Variants in ATG12 observed in about 807,000 individuals in gnomAD.
The protein encoded by ATG12 is autophagy related 12, also known as ubiquitin-like protein ATG12.
ATG12 carries 19 observed loss-of-function variants against 17.6 expected under a neutral mutation model. That is an observed-to-expected ratio of 1.08 (90% CI 0.75 to 1.58). ATG12 has a LOEUF of 1.58. ATG12 is among the 40% of genes most tolerant of loss of function. The pLI, the probability that ATG12 is intolerant of heterozygous loss-of-function variation, is 0.00. For synonymous variants in ATG12, 75 were observed against 62.4 expected, an observed-to-expected ratio of 1.20 and a Z score of -0.95; for missense variants, 214 against 162.0, an observed-to-expected ratio of 1.32 and a Z score of -1.74.
chr5:115,832,018 C>T (rs1760889668), intron 3 of ATG12, among the ~76,000 whole-genome samples, 155 bp from the exon 4 acceptor site: 1 of 152,188 alleles, frequency 6.6e-6, no homozygotes, highest in African/African-American at 2.4e-5. Flanking sequence ...CTGTTTCTAT[C>T]AGACACATAT....
chr5:115,836,502 G>A (rs1045945624), intron 2 of ATG12, among the ~76,000 whole-genome samples: 28 of 152,136 alleles, frequency 1.8e-4, no homozygotes, highest in Non-Finnish European at 8.8e-5. Flanking sequence ...ACTTTTGTGA[G>A]AGCACTTGCA....
Position 115,831,866 on chromosome 5 carries a change from AC to A in ATG12, c.364-4del, listed in dbSNP as rs775724111. 1.2e-4 allele frequency: 199 copies of A among 1,601,198 alleles called. No individual in the cohort carries two copies. The highest frequency in any genetic ancestry group is 1.7e-4 in the Non-Finnish European group (197 of 1,176,134). On this transcript the variant is annotated splice_region_variant and splice_polypyrimidine_tract_variant and intron_variant, in intron 3 of 3. Coordinates refer to ENST00000509910, the MANE Select transcript of ATG12 (RefSeq NM_004707.4). ...AGTTTACCATCACTGCCAAAACACTACAAAAAAAAAAGGCAATAAATCAAAC... is the reference window on the plus strand; with the variant it reads ...AGTTTACCATCACTGCCAAAACACTAAAAAAAAAAAGGCAATAAATCAAAC...
rs1008502812 is a variant in ATG12 at position 115,841,405 on chromosome 5, C to G, written c.148G>C (p.Asp50His). The G allele has an allele frequency of 6.2e-7, 1 of 1,610,762 alleles. No individual in the cohort carries two copies. Among genetic ancestry groups the G allele is most frequent in the Non-Finnish European group, 8.5e-7 (1 of 1,179,330 alleles). Residue 50 changes from aspartate (D) to histidine (H), a missense_variant, in exon 1 of 4, where the codon GAC becomes CAC. Transcript: ENST00000509910. The stretch of plus-strand genomic sequence containing the variant: ...ATTCAGTTACTTTTTTTCTTGGTGT[C>G]GCCAGCAGGTTCCTCTGTTCCCGGG... ...VSPGTEEPAGDTKKKIDILLK... is the reference protein window; with the variant it reads ...VSPGTEEPAGHTKKKIDILLK...
chr5:115,840,966 A>G, intron 1 of ATG12: 1 of 1,065,268 alleles, frequency 9.4e-7, no homozygotes, highest in Non-Finnish European at 1.3e-6. Context: ...AAGCGAGTTA[A>G]GTTGGAAGGC....
intron 2 of ATG12, chr5:115,835,015 A>G (rs1761032586): frequency 6.6e-6 from 1 of 151,796 alleles, no homozygotes; most frequent in African/African-American, 2.4e-5. Flanking sequence ...AATTTTTTTC[A>G]TCTTCTATTT....
Position 115,831,762 on chromosome 5 carries a change from A to G in ATG12, c.*42T>C, listed in dbSNP as rs1408809819. 1 of 1,595,392 alleles carries G rather than the reference A, an allele frequency of 6.3e-7. No individual in the cohort carries two copies. Among genetic ancestry groups the G allele is most frequent in the Non-Finnish European group, 8.6e-7 (1 of 1,167,142 alleles). ...ACTTTTCAGAGCTGTCTCTTCCGTG[A>G]AAATCCATTTCATGTAGTAGCAAGT... is the stretch of plus-strand genomic sequence containing the variant. On this transcript the variant is annotated 3_prime_UTR_variant, in exon 4 of 4. Coordinates refer to ENST00000509910, the MANE Select transcript of ATG12 (RefSeq NM_004707.4).
At chr5:115,832,560 GTAATTTCTT>G (rs753447497) in intron 3 of ATG12, 33 bp downstream of exon 3, 2 of 1,244,990 alleles carry the variant, frequency 1.6e-6, no homozygotes, top group Non-Finnish European at 2.0e-6. Context: ...AAAAAAAGCA[GTAATTTCTT>G]TCTTTTTTTT....
chr5:115,832,765 A>G, intron 2 of ATG12, 101 bp from the exon 3 acceptor site: 2 of 1,166,734 alleles, frequency 1.7e-6, no homozygotes, highest in Non-Finnish European at 2.3e-6. Flanking sequence ...TGTTTTCACA[A>G]TTGAAGAAAG....
In ATG12 at chr5:115,837,850, T is replaced by G. The variant is rs562604597; in HGVS notation, c.164-86A>C. The G allele has an allele frequency of 5.5e-5, 62 of 1,121,506 alleles. No homozygotes were observed. The African/African-American group carries it at 9.5e-4, about 17-fold the overall frequency. The allele number at this position is 1,121,506 out of a possible 1,614,324, so 69.5% of individuals were successfully genotyped here. ...ATAAAAGACTTAGAAATCAGAAATATTTAATCTACATCCATCTTACGTATT... is the reference window on the plus strand; with the variant it reads ...ATAAAAGACTTAGAAATCAGAAATAGTTAATCTACATCCATCTTACGTATT... On this transcript the variant is annotated intron_variant, in intron 1 of 3. Coordinates refer to ENST00000509910, the MANE Select transcript of ATG12 (RefSeq NM_004707.4).
At chr5:115,840,271 G>A (rs1761314765) in intron 1 of ATG12, among the ~76,000 whole-genome samples, 1 of 151,186 alleles carries the variant, frequency 6.6e-6, no homozygotes, top group African/African-American at 2.4e-5. Context: ...AGCAGAAGTT[G>A]AAGAAAAAGC....
In ATG12 at chr5:115,831,682, G is replaced by T; in HGVS notation, c.*122C>A. The T allele has an allele frequency of 1.1e-6, 1 of 876,880 alleles. No homozygotes were observed. Among genetic ancestry groups the T allele is most frequent in the Non-Finnish European group, 1.8e-6 (1 of 548,144 alleles). The allele number at this position is 876,880 out of a possible 1,614,324, so 54.3% of individuals were successfully genotyped here. On this transcript the variant is annotated 3_prime_UTR_variant, in exon 4 of 4. Transcript: ENST00000509910. ...ATGTTTTCTTATGCATAAACATAGA[G>T]TAGACACATACTAAATAGATCACAT...
chr5:115,840,724 G>C (rs955444937), intron 1 of ATG12: 4 of 1,190,122 alleles, frequency 3.4e-6, no homozygotes, highest in Admixed American at 3.6e-5. Flanking sequence ...GAGTGCTTTA[G>C]AACACGTAAT....
intron 2 of ATG12, among the ~76,000 whole-genome samples, chr5:115,837,165 G>A (rs1761137394): frequency 1.3e-5 from 2 of 152,114 alleles, no homozygotes; most frequent in Admixed American, 1.3e-4. Context: ...ACATAAACTG[G>A]TTCACATTGT....
rs1760763734 is a variant in ATG12, at chr5:115,829,228, G to C, written c.*2576C>G. 1 of 152,168 alleles carries C rather than the reference G, an allele frequency of 6.6e-6. No individual in the cohort carries two copies. The highest frequency in any genetic ancestry group is 1.5e-5 in the Non-Finnish European group (1 of 68,028). 9.4% of individuals were successfully genotyped at this position (152,168 alleles called of 1,614,324 possible). On this transcript the variant is annotated 3_prime_UTR_variant, in exon 4 of 4. Transcript: ENST00000509910. Reference sequence around the variant, plus strand: ...ATTATAATCCTTGGAAAATGAAGCAGAAACTGCATGAAAAGAGATTTTTAT... The same window carrying C: ...ATTATAATCCTTGGAAAATGAAGCACAAACTGCATGAAAAGAGATTTTTAT...
At chr5:115,840,993 G>A in intron 1 of ATG12, 17 of 841,338 alleles carry the variant, frequency 2.0e-5, no homozygotes, top group Non-Finnish European at 2.7e-5. Flanking sequence ...TCTAATCCAG[G>A]CTTTGCCAAT....
chr5:115,831,722 G>A lies in ATG12; in HGVS notation c.*82C>T. 7.6e-7 allele frequency: 1 copy of A among 1,309,342 alleles called. No homozygotes were observed. The highest frequency in any genetic ancestry group is 1.1e-6 in the Non-Finnish European group (1 of 919,976). 81.1% of individuals were successfully genotyped at this position (1,309,342 alleles called of 1,614,324 possible). On this transcript the variant is annotated 3_prime_UTR_variant, in exon 4 of 4. Coordinates refer to ENST00000509910, the MANE Select transcript of ATG12 (RefSeq NM_004707.4). Reference sequence around the variant, plus strand: ...ATAGATCACATCTGTTAAGTCTCTTGCCACAAGCATCAAAACTTTTCAGAG... The same window carrying A: ...ATAGATCACATCTGTTAAGTCTCTTACCACAAGCATCAAAACTTTTCAGAG...
chr5:115,832,215 C>G (rs1267119376), intron 3 of ATG12, among the ~76,000 whole-genome samples: 1 of 152,202 alleles, frequency 6.6e-6, no homozygotes, highest in East Asian at 1.9e-4. Context: ...AGATGTTAAA[C>G]AGTCATTCTT....
Position 115,830,105 on chromosome 5 carries a change from G to A in ATG12, c.*1699C>T, listed in dbSNP as rs575342119. 1.2e-4 allele frequency: 14 copies of A among 121,256 alleles called. No individual in the cohort carries two copies. The highest frequency in any genetic ancestry group is 4.7e-4 in the East Asian group (2 of 4,234). The allele number at this position is 121,256 out of a possible 1,614,324, so 7.5% of individuals were successfully genotyped here. ...ACAGTCCAGCCTGGGCAACAAGACC[G>A]AAACGCTGTCTCTTTAAAAAAAAAA... On this transcript the variant is annotated 3_prime_UTR_variant, in exon 4 of 4. Transcript: ENST00000509910.
At chr5:115,832,073 A>G (rs1232445035) in intron 3 of ATG12, among the ~76,000 whole-genome samples, 2 of 152,186 alleles carry the variant, frequency 1.3e-5, no homozygotes, top group African/African-American at 4.8e-5. Flanking sequence ...TAAGCATCTT[A>G]GGCATGAATG....
Sources: gnomAD v4.1 joint callset for allele counts (sites outside exome capture counted in the v4.1 genomes callset) on GRCh38, gnomAD v4.1.1 for gene constraint, MANE v1.5 for transcripts, NCBI Gene and HGNC (gene_info 2026-07-23, HGNC 2026-07-21) for gene names.